The following BPIFC variants were observed in gnomAD, a reference collection of about 807,000 sequenced individuals.
BPIFC encodes the protein BPI fold containing family C.
A neutral mutation model predicts 57.6 loss-of-function variants in BPIFC; 60 were observed. That is an observed-to-expected ratio of 1.04 (90% CI 0.85 to 1.29). The LOEUF is 1.29. Among genes scored for constraint, BPIFC ranks in the 50% most tolerant of loss-of-function variants. The probability of loss-of-function intolerance (pLI) is 0.00; values close to 1 mark genes in which losing one functional copy is unlikely to be tolerated. For missense variants in BPIFC, 581 were observed against 600.5 expected (o/e 0.97, Z 0.34); for synonymous variants, 243 against 224.5 (o/e 1.08, Z -0.74).
chr22:32,437,687 A>C, intron 9 of BPIFC, 73 bp downstream of exon 9: 2 of 1,127,862 alleles, frequency 1.8e-6, no homozygotes, highest in Non-Finnish European at 2.7e-6. Context: ...CACCGTGCCC[A>C]GTCCATAATC....
At position 32,445,797 on chromosome 22, in the gene BPIFC, C is replaced by T. The variant is rs1171518212; in HGVS notation, c.530+44G>A. On this transcript the variant is annotated intron_variant, in intron 6 of 16. Coordinates refer to ENST00000300399, the MANE Select transcript of BPIFC (RefSeq NM_174932.3). ...CCTTCCCTAGGCGATGCCTGAGTAT[C>T]CAGCCCCTAACTAGCCACTGCCCAA... The T allele has an allele frequency of 3.1e-6, 5 of 1,604,336 alleles. No homozygotes were observed. The African/African-American group carries it at 5.4e-5, about 17-fold the overall frequency.
At chr22:32,437,460 G>A (rs1039208796) in intron 9 of BPIFC, among the ~76,000 whole-genome samples, 5 of 151,622 alleles carry the variant, frequency 3.3e-5, no homozygotes, top group African/African-American at 4.9e-5. Flanking sequence ...GTATGATCTC[G>A]GCTCACTGCA....
chr22:32,425,219 G>A, intron 13 of BPIFC, among the ~76,000 whole-genome samples: 1 of 152,180 alleles, frequency 6.6e-6, no homozygotes, highest in African/African-American at 2.4e-5. Context: ...GTGACCTTCA[G>A]TAAGTTATTT....
rs1556036435 is a variant in BPIFC at position 32,424,603 on chromosome 22, C to CTTCTT, written c.1218-5200_1218-5199insAAGAA. 1.3e-3 allele frequency among the ~76,000 whole-genome samples: 51 copies of CTTCTT among 38,972 alleles called. 4 individuals carry two copies. Among genetic ancestry groups the CTTCTT allele is most frequent in the East Asian group, 3.3e-3 (7 of 2,090 alleles). The allele number at this position is 38,972 out of a possible 152,430, so 25.6% of individuals were successfully genotyped here. On this transcript the variant is annotated intron_variant, in intron 13 of 16. Coordinates refer to ENST00000300399, the MANE Select transcript of BPIFC (RefSeq NM_174932.3). ...TTCTTCTTCTTCTTCTTCTTCTTCT[C>CTTCTT]CTCCTCCTCCTCCTCCTCCTCCTCC...
intron 10 of BPIFC, among the ~76,000 whole-genome samples, chr22:32,434,348 A>G (rs1276419997): frequency 6.7e-6 from 1 of 149,010 alleles, no homozygotes; most frequent in African/African-American, 2.4e-5. Context: ...TCATTTATAT[A>G]TATTACAATC....
At chr22:32,438,402 T>A (rs973105353) in intron 8 of BPIFC, among the ~76,000 whole-genome samples, 1 of 151,884 alleles carries the variant, frequency 6.6e-6, no homozygotes. Context: ...TTGTTTTTTG[T>A]TTTTTTTGAG....
rs61507713 is a variant in BPIFC, at chr22:32,445,713, G to GAAAAAAA, written c.531-22_531-16dup. On this transcript the variant is annotated splice_polypyrimidine_tract_variant and intron_variant, in intron 6 of 16. Transcript: ENST00000300399. The stretch of plus-strand genomic sequence containing the variant: ...TATACAGAACACTGAGGAAAAAAAT[G>GAAAAAAA]AAAAAAAAAAAAAAAAAAAAAAGAG... 1.1e-3 allele frequency: 755 copies of GAAAAAAA among 710,686 alleles called. 28 individuals carry two copies. Among genetic ancestry groups the GAAAAAAA allele is most frequent in the South Asian group, 4.7e-3 (191 of 40,662 alleles). 44.0% of individuals were successfully genotyped at this position (710,686 alleles called of 1,614,324 possible).
Position 32,424,717 on chromosome 22 carries a change from CTCTTCTTCT to C in BPIFC, c.1218-5322_1218-5314del, listed in dbSNP as rs1172758281. ...CCTCTTCTTCTTCCTCTTCTTCTTC[CTCTTCTTCT>C]TCCTCTTCTTCTTCCTCTTCTTCTT... On this transcript the variant is annotated intron_variant, in intron 13 of 16. Coordinates refer to ENST00000300399, the MANE Select transcript of BPIFC (RefSeq NM_174932.3). Among the ~76,000 whole-genome samples, 338 of 52,438 alleles carry C rather than the reference CTCTTCTTCT, an allele frequency of 6.4e-3. 10 individuals are homozygous for C. The highest frequency in any genetic ancestry group is 8.7e-3 in the Non-Finnish European group (258 of 29,548). The allele number at this position is 52,438 out of a possible 152,430, so 34.4% of individuals were successfully genotyped here.
chr22:32,432,906 T>A (rs2145930556), intron 11 of BPIFC, among the ~76,000 whole-genome samples: 1 of 152,234 alleles, frequency 6.6e-6, no homozygotes, highest in South Asian at 2.1e-4. Context: ...GAATTGGGAT[T>A]CAAATCTAGG....
Position 32,419,352 on chromosome 22 carries a change from A to T in BPIFC, c.1260+10T>A, listed in dbSNP as rs764829563. The T allele has an allele frequency of 6.2e-6, 10 of 1,612,240 alleles. No homozygotes were observed. The highest frequency in any genetic ancestry group is 4.0e-5 in the African/African-American group (3 of 74,894). ...CAGTGCTTGGTAACCCCAAGAGCTCAGATTCCTACCTCAATGTTGCTGCGA... is the reference window on the plus strand; with the variant it reads ...CAGTGCTTGGTAACCCCAAGAGCTCTGATTCCTACCTCAATGTTGCTGCGA... On this transcript the variant is annotated intron_variant, in intron 14 of 16. Transcript: ENST00000300399.
intron 13 of BPIFC, among the ~76,000 whole-genome samples, chr22:32,426,411 A>G (rs1934068634): frequency 6.6e-6 from 1 of 152,170 alleles, no homozygotes; most frequent in African/African-American, 2.4e-5. Flanking sequence ...ATTTCAACAC[A>G]GCCTTGGCTC....
chr22:32,416,749 C>T lies in BPIFC; in HGVS notation c.1324+336G>A, dbSNP rs556153190. Among the ~76,000 whole-genome samples the T allele has an allele frequency of 2.0e-5, 3 of 152,242 alleles. No homozygotes were observed. The East Asian group carries it at 5.8e-4, about 29-fold the overall frequency. ...TGGCATAAGAACCACGGAGATATCC[C>T]GTAGGGAAAATAATCTCGTTTCCGG... is the stretch of plus-strand genomic sequence containing the variant. On this transcript the variant is annotated intron_variant, in intron 15 of 16. Coordinates refer to ENST00000300399, the MANE Select transcript of BPIFC (RefSeq NM_174932.3).
At chr22:32,421,589 T>C (rs1388147453) in intron 13 of BPIFC, among the ~76,000 whole-genome samples, 1 of 152,220 alleles carries the variant, frequency 6.6e-6, no homozygotes, top group East Asian at 1.9e-4. Context: ...GATACTCTCC[T>C]GATCAAAATT....
Position 32,457,404 on chromosome 22 carries a change from T to C in BPIFC, c.1-18A>G, listed in dbSNP as rs763059847. 2 of 1,598,684 alleles carry C rather than the reference T, an allele frequency of 1.3e-6. No individual in the cohort carries two copies. The highest frequency in any genetic ancestry group is 1.7e-6 in the Non-Finnish European group (2 of 1,175,978). On this transcript the variant is annotated intron_variant, in intron 2 of 16. Coordinates refer to ENST00000300399, the MANE Select transcript of BPIFC (RefSeq NM_174932.3). Reference sequence around the variant, plus strand: ...GTACACATCTGAAATTAACCAACAGTTAAGGTTCCTTTATTATTCTTGACT... The same window carrying C: ...GTACACATCTGAAATTAACCAACAGCTAAGGTTCCTTTATTATTCTTGACT...
intron 8 of BPIFC, among the ~76,000 whole-genome samples, chr22:32,440,419 G>A (rs1395429914): frequency 6.6e-6 from 1 of 152,222 alleles, no homozygotes; most frequent in African/African-American, 2.4e-5. Context: ...TAGGATTACA[G>A]GAGTGAGCCA....
chr22:32,449,899 T>C (rs1310241551), intron 4 of BPIFC, among the ~76,000 whole-genome samples: 2 of 152,086 alleles, frequency 1.3e-5, no homozygotes, highest in Admixed American at 1.3e-4. Context: ...CATGCCCGGC[T>C]AATTTTTTGT....
rs1934740721 is a variant in BPIFC, at chr22:32,446,733, T to C, written c.374+479A>G. 3.0e-6 allele frequency: 3 copies of C among 985,110 alleles called. No homozygotes were observed. The South Asian group carries it at 1.4e-4, about 46-fold the overall frequency. 61.0% of individuals were successfully genotyped at this position (985,110 alleles called of 1,614,324 possible). On this transcript the variant is annotated intron_variant, in intron 5 of 16. Coordinates refer to ENST00000300399, the MANE Select transcript of BPIFC (RefSeq NM_174932.3). ...TTGCAACTGGCCTGTAAAAGTACCT[T>C]GAATCTGATTTCCTCCTTCTACACG...
At chr22:32,445,563 G>A in intron 7 of BPIFC, 72 bp downstream of exon 7, 1 of 1,408,536 alleles carries the variant, frequency 7.1e-7, no homozygotes, top group Non-Finnish European at 9.9e-7. Flanking sequence ...AAACAAAAAA[G>A]AATTAATTAA....
chr22:32,445,863 C>A lies in BPIFC; in HGVS notation c.508G>T (p.Val170Phe). ...DCYAQLSHAH[V>F]SFSGELSVLY... is the part of the protein sequence containing the mutation. ...CACCTGAGTTCTCCGGAAAATGAGA[C>A]GTGGGCATGGCTCAGTTGGGCGTAG... Residue 170 changes from valine to phenylalanine, a missense_variant, in exon 6 of 17, where the codon GTC becomes TTC. Transcript: ENST00000300399. The A allele has an allele frequency of 6.2e-7, 1 of 1,614,012 alleles. No homozygotes were observed. Among genetic ancestry groups the A allele is most frequent in the Non-Finnish European group, 8.5e-7 (1 of 1,179,998 alleles).
Sources: gnomAD v4.1 joint callset for allele counts (sites outside exome capture counted in the v4.1 genomes callset) on GRCh38, gnomAD v4.1.1 for gene constraint, MANE v1.5 for transcripts, NCBI Gene and HGNC (gene_info 2026-07-23, HGNC 2026-07-21) for gene names.